The following EPB41 variants were observed in gnomAD, a reference collection of about 807,000 sequenced individuals.
EPB41 encodes protein 4.1.
Under a neutral mutation model 108.0 loss-of-function variants are expected in EPB41, and 65 were observed. The observed-to-expected ratio is 0.60, with a 90% CI of 0.49 to 0.74. The LOEUF (loss-of-function observed/expected upper bound fraction) is 0.74. Among genes scored for constraint, EPB41 ranks in the 30% least tolerant of loss-of-function variants. EPB41 has a pLI of 0.00. For synonymous variants in EPB41, 336 were observed against 358.9 expected (o/e 0.94, Z 0.72); for missense variants, 875 against 1,037.0 (o/e 0.84, Z 2.15).
chr1:29,023,636 G>A (rs1310216407), intron 7 of EPB41, among the ~76,000 whole-genome samples: 1 of 151,756 alleles, frequency 6.6e-6, no homozygotes, highest in East Asian at 1.9e-4. Flanking sequence ...GCAGTGAACC[G>A]AGATCATGCC....
intron 7 of EPB41, among the ~76,000 whole-genome samples, chr1:29,019,664 C>A (rs1274840409): frequency 6.6e-6 from 1 of 152,148 alleles, no homozygotes; most frequent in Non-Finnish European, 1.5e-5. Flanking sequence ...TGTCGGTAGG[C>A]TTGCCATGAT....
intron 16 of EPB41, chr1:29,068,644 C>A: frequency 1.3e-6 from 1 of 793,102 alleles, no homozygotes; most frequent in Non-Finnish European, 1.7e-6. Flanking sequence ...GATACTATTT[C>A]CATTCTCTGG....
intron 11 of EPB41, among the ~76,000 whole-genome samples, chr1:29,050,292 A>G (rs1344678986): frequency 6.6e-6 from 1 of 152,232 alleles, no homozygotes; most frequent in African/African-American, 2.4e-5. Flanking sequence ...TTCCACATAC[A>G]GTACAGATTG....
chr1:28,892,369 C>T (rs2090211442), intron 1 of EPB41, among the ~76,000 whole-genome samples: 1 of 152,062 alleles, frequency 6.6e-6, no homozygotes, highest in South Asian at 2.1e-4. Flanking sequence ...TCACATCAAC[C>T]CTGTGAGGTG....
intron 17 of EPB41, among the ~76,000 whole-genome samples, chr1:29,106,638 A>G (rs141284212): frequency 0.025 from 3,416 of 136,466 alleles, 145 homozygotes; most frequent in African/African-American, 0.087. Flanking sequence ...CAGTGACACA[A>G]TCTTGGCTCA....
intron 1 of EPB41, among the ~76,000 whole-genome samples, chr1:28,938,477 T>A (rs899694625): frequency 6.6e-6 from 1 of 152,186 alleles, no homozygotes; most frequent in Non-Finnish European, 1.5e-5. Context: ...TGGAATTTTT[T>A]AAGTTATAAT....
chr1:28,888,936 T>TA (rs1334260794), intron 1 of EPB41, among the ~76,000 whole-genome samples: 6 of 152,184 alleles, frequency 3.9e-5, no homozygotes, highest in Non-Finnish European at 1.5e-5. Context: ...CGGGAATTAT[T>TA]AATTCTAAGC....
In EPB41 at chr1:28,887,524, C is replaced by T; in HGVS notation, c.-8+314C>T. ...CTGTCTGGGGCGGGGGTCCTGCATT[C>T]GGTGTCCGCGGGAGAGTCCCTGCAG... On this transcript the variant is annotated intron_variant, in intron 1 of 16. Transcript: ENST00000347529. The surrounding 1 kb of genome is among the most constrained non-coding windows in gnomAD (Gnocchi z 4.9). 1 of 985,290 alleles carries T rather than the reference C, an allele frequency of 1.0e-6. No individual in the cohort carries two copies. Among genetic ancestry groups the T allele is most frequent in the South Asian group, 4.7e-5 (1 of 21,284 alleles). 61.0% of individuals were successfully genotyped at this position (985,290 alleles called of 1,614,324 possible).
chr1:28,993,857 A>C (rs1299293891), intron 3 of EPB41, among the ~76,000 whole-genome samples: 1 of 151,768 alleles, frequency 6.6e-6, no homozygotes, highest in East Asian at 1.9e-4. Context: ...AGATTTCACC[A>C]TATTGGTCAG....
intron 2 of EPB41, among the ~76,000 whole-genome samples, chr1:28,990,343 C>G (rs1326186146): frequency 7.6e-6 from 1 of 131,668 alleles, no homozygotes; most frequent in African/African-American, 2.8e-5. Context: ...TTCCCTCCCT[C>G]CCTCCCTCCC....
chr1:29,041,112 G>A (rs1641337626), intron 11 of EPB41: 1 of 150,092 alleles, frequency 6.7e-6, no homozygotes, highest in South Asian at 2.1e-4. Flanking sequence ...CTCCAGCCTG[G>A]GAGACAGAGT....
At chr1:29,023,229 A>G (rs1024894538) in intron 7 of EPB41, among the ~76,000 whole-genome samples, 1 of 151,776 alleles carries the variant, frequency 6.6e-6, no homozygotes, top group Non-Finnish European at 1.5e-5. Flanking sequence ...TCCTGACCTC[A>G]GGTGATCTGC....
At chr1:29,111,099 G>A (rs574084481) in intron 18 of EPB41, among the ~76,000 whole-genome samples, 3 of 151,658 alleles carry the variant, frequency 2.0e-5, no homozygotes, top group South Asian at 2.1e-4. Flanking sequence ...CCCAAGAGGC[G>A]GAGGTTGCAG....
chr1:28,974,425 T>G (rs2095556872), intron 1 of EPB41, among the ~76,000 whole-genome samples: 1 of 152,192 alleles, frequency 6.6e-6, no homozygotes, highest in African/African-American at 2.4e-5. Context: ...ATTGTCAAAT[T>G]GGGTAACCTC....
intron 7 of EPB41, among the ~76,000 whole-genome samples, chr1:29,025,349 C>A (rs2096706220): frequency 6.6e-6 from 1 of 151,940 alleles, no homozygotes; most frequent in African/African-American, 2.4e-5. Flanking sequence ...TGCAGGGAAA[C>A]TTTATTGTAA....
chr1:28,929,350 C>T (rs1214838930), intron 1 of EPB41, among the ~76,000 whole-genome samples: 2 of 151,622 alleles, frequency 1.3e-5, no homozygotes, highest in African/African-American at 2.4e-5. Flanking sequence ...CTCAGCCTCC[C>T]AAGTAGCTGG....
intron 16 of EPB41, chr1:29,097,562 C>G (rs1422197169): frequency 1.9e-6 from 1 of 532,490 alleles, no homozygotes; most frequent in East Asian, 3.4e-5. Context: ...TCTGCTCTTA[C>G]AGCTTTCCAT....
intron 7 of EPB41, among the ~76,000 whole-genome samples, chr1:29,025,705 AC>A (rs1321881279): frequency 6.6e-6 from 1 of 151,952 alleles, no homozygotes; most frequent in Non-Finnish European, 1.5e-5. Context: ...CAAATTTTAT[AC>A]AGTGAATGTG....
chr1:28,922,889 A>G (rs2093200013), intron 1 of EPB41, among the ~76,000 whole-genome samples: 1 of 151,192 alleles, frequency 6.6e-6, no homozygotes, highest in Admixed American at 6.6e-5. Flanking sequence ...GGCCTCCCAA[A>G]GTGCTGGAAT....
Sources: allele counts gnomAD v4.1 joint callset (sites outside exome capture counted in the v4.1 genomes callset), GRCh38; gene constraint gnomAD v4.1.1; non-coding constraint Gnocchi (gnomAD v3.1); transcripts MANE v1.5; gene names NCBI Gene and HGNC (gene_info 2026-07-23, HGNC 2026-07-21).